Variants in SLC1A2 observed in about 807,000 individuals in gnomAD.
SLC1A2 encodes the protein excitatory amino acid transporter 2.
A neutral mutation model predicts 48.8 loss-of-function variants in SLC1A2; 15 were observed. The ratio of observed to expected loss-of-function variants is 0.31; its 90% CI spans 0.21 to 0.47. The LOEUF is 0.47. SLC1A2 is among the 20% of genes least tolerant of loss of function. SLC1A2 has a pLI of 0.99. For synonymous variants in SLC1A2, 279 were observed against 272.6 expected (o/e 1.02, Z -0.23); for missense variants, 502 against 730.5 (o/e 0.69, Z 3.61).
rs767922096 is a variant in SLC1A2, at chr11:35,312,222, G to A, written c.537C>T (p.Asn179=). ...CCTGTTGAAAGCAGGCTTGGACAAG[G>A]TTTTCAGGGAAGAGATTTCGAATAA... The part of the protein sequence containing the change: ...LDLIRNLFPE[N]LVQACFQQIQ... The change falls in exon 4 of 11, where the codon AAC becomes AAT. Residue 179 remains asparagine (N), a synonymous_variant. Transcript: ENST00000278379. 2.5e-6 allele frequency: 4 copies of A among 1,614,028 alleles called. No individual in the cohort carries two copies. The highest frequency in any genetic ancestry group is 1.3e-5 in the African/African-American group (1 of 74,912).
intron 6 of SLC1A2, 81 bp from the exon 7 acceptor site, chr11:35,292,601 G>T: frequency 1.3e-6 from 1 of 757,474 alleles, no homozygotes; most frequent in Non-Finnish European, 2.2e-6. Context: ...ACCGCACACT[G>T]AGGAAAACGC....
rs889877272 is a variant in SLC1A2, at chr11:35,322,275, C to T, written c.18-4759G>A. ...TCATCCTCTGTGACTCAGAAGGGAACGTGTAATGGGGCTAACGCTAAGTTT... is the reference window on the plus strand; with the variant it reads ...TCATCCTCTGTGACTCAGAAGGGAATGTGTAATGGGGCTAACGCTAAGTTT... On this transcript the variant is annotated intron_variant, in intron 1 of 10. Coordinates refer to ENST00000278379, the MANE Select transcript of SLC1A2 (RefSeq NM_004171.4). Among the ~76,000 whole-genome samples the T allele has an allele frequency of 2.2e-4, 33 of 151,954 alleles. 1 individual carries two copies. The highest frequency in any genetic ancestry group is 3.2e-3 in the Middle Eastern group (1 of 316).
At chr11:35,380,003 T>C (rs1854370624) in intron 1 of SLC1A2, among the ~76,000 whole-genome samples, 1 of 152,242 alleles carries the variant, frequency 6.6e-6, no homozygotes, top group South Asian at 2.1e-4. Flanking sequence ...TCAGGTTCAT[T>C]ATGTTAAGCA....
At chr11:35,311,690 T>C (rs1052749419) in intron 4 of SLC1A2, among the ~76,000 whole-genome samples, 1 of 151,982 alleles carries the variant, frequency 6.6e-6, no homozygotes, top group Non-Finnish European at 1.5e-5. Context: ...AGATTCTGAT[T>C]GTGTAGGGTA....
At chr11:35,265,194 C>T (rs1950461114) in intron 10 of SLC1A2, 2 of 377,614 alleles carry the variant, frequency 5.3e-6, no homozygotes, top group Non-Finnish European at 9.4e-6. Context: ...CTGCCCGCCT[C>T]GGCCTAGTAA....
chr11:35,313,967 G>A (rs2134880119), intron 3 of SLC1A2, among the ~76,000 whole-genome samples: 1 of 152,272 alleles, frequency 6.6e-6, no homozygotes, highest in Non-Finnish European at 1.5e-5. Context: ...CACTTAGCTG[G>A]CTGGTACCCA....
At chr11:35,288,548 G>A (rs187682104) in intron 7 of SLC1A2, among the ~76,000 whole-genome samples, 95 of 152,268 alleles carry the variant, frequency 6.2e-4, no homozygotes, top group African/African-American at 1.4e-3. Flanking sequence ...AGTTGTGGTT[G>A]GTGGCCAGGA....
At chr11:35,368,884 C>T (rs1923299) in intron 1 of SLC1A2, among the ~76,000 whole-genome samples, 4,021 of 152,286 alleles carry the variant, frequency 0.026, 191 homozygotes, top group African/African-American at 0.091. Context: ...TGTCTAGCAC[C>T]ACTTGGAGAA....
At chr11:35,297,302 C>G (rs1851204387) in intron 6 of SLC1A2, among the ~76,000 whole-genome samples, 1 of 152,108 alleles carries the variant, frequency 6.6e-6, no homozygotes. Flanking sequence ...GTTGGTTTAG[C>G]CAAAATACTC....
intron 1 of SLC1A2, among the ~76,000 whole-genome samples, chr11:35,345,897 T>C (rs1385388652): frequency 6.6e-6 from 1 of 152,224 alleles, no homozygotes; most frequent in East Asian, 1.9e-4. Flanking sequence ...TTTTAACTCA[T>C]TTTCTTAGTT....
intron 5 of SLC1A2, among the ~76,000 whole-genome samples, chr11:35,304,798 G>T (rs1851454830): frequency 6.6e-6 from 1 of 151,802 alleles, no homozygotes. Flanking sequence ...TGAATTTCAG[G>T]TAAAAAATGA....
intron 1 of SLC1A2, among the ~76,000 whole-genome samples, chr11:35,389,574 G>A (rs1198722548): frequency 6.6e-6 from 1 of 151,838 alleles, no homozygotes. Context: ...GGGTTCAAGC[G>A]ATTCTCCTGC....
intron 1 of SLC1A2, among the ~76,000 whole-genome samples, chr11:35,357,368 G>A (rs1359009254): frequency 6.6e-6 from 1 of 152,088 alleles, no homozygotes. Flanking sequence ...GACAGGAGTG[G>A]GGCTTTGTGC....
intron 1 of SLC1A2, among the ~76,000 whole-genome samples, chr11:35,376,286 A>G (rs1303277919): frequency 1.3e-5 from 2 of 152,214 alleles, no homozygotes; most frequent in Non-Finnish European, 2.9e-5. Context: ...CTACAGAGAC[A>G]TGACAACTAA....
intron 1 of SLC1A2, among the ~76,000 whole-genome samples, chr11:35,334,980 G>C (rs529183515): frequency 6.6e-6 from 1 of 152,168 alleles, no homozygotes; most frequent in Non-Finnish European, 1.5e-5. Context: ...CGGGTAGCTA[G>C]GAGTAGACAG....
intron 1 of SLC1A2, among the ~76,000 whole-genome samples, chr11:35,329,788 T>C (rs1852369371): frequency 6.6e-6 from 1 of 152,200 alleles, no homozygotes; most frequent in Non-Finnish European, 1.5e-5. Context: ...TAAGAAGCCC[T>C]TCCTTTATGG....
At chr11:35,387,560 AT>A (rs1208908635) in intron 1 of SLC1A2, among the ~76,000 whole-genome samples, 1 of 152,220 alleles carries the variant, frequency 6.6e-6, no homozygotes, top group Non-Finnish European at 1.5e-5. Context: ...ACAGGAAAGT[AT>A]TTGGTTGCCA....
At chr11:35,414,494 C>T (rs1411292071) in intron 1 of SLC1A2, among the ~76,000 whole-genome samples, 1 of 152,246 alleles carries the variant, frequency 6.6e-6, no homozygotes, top group Non-Finnish European at 1.5e-5. Context: ...TTAATTAATT[C>T]GTTCCAAGGA....
intron 9 of SLC1A2, among the ~76,000 whole-genome samples, chr11:35,270,717 T>C (rs182977969): frequency 2.2e-4 from 33 of 152,286 alleles, no homozygotes; most frequent in African/African-American, 7.5e-4. Context: ...TAAGTAGAAG[T>C]GTCTTGAGTT....
Sources: gnomAD v4.1 joint callset for allele counts (sites outside exome capture counted in the v4.1 genomes callset) on GRCh38, gnomAD v4.1.1 for gene constraint, MANE v1.5 for transcripts, NCBI Gene and HGNC (gene_info 2026-07-23, HGNC 2026-07-21) for gene names.